DCC: variants seen among roughly 807,000 people sequenced by gnomAD.
DCC encodes netrin receptor DCC.
A neutral mutation model predicts 172.5 loss-of-function variants in DCC; 58 were observed. The ratio of observed to expected loss-of-function variants is 0.34; its 90% CI spans 0.27 to 0.42. The LOEUF (loss-of-function observed/expected upper bound fraction) is 0.42, where lower values mean the gene tolerates loss of function less well. DCC is among the 10% of genes least tolerant of loss of function. The pLI is 1.00. For missense variants in DCC, 1,740 were observed against 1,791.0 expected (o/e 0.97, Z 0.51); for synonymous variants, 709 against 644.5 (o/e 1.10, Z -1.52).
rs887890622 is a variant in DCC, at chr18:53,534,204, A to C, written c.*3551A>C. The C allele has an allele frequency of 6.6e-6, 1 of 152,236 alleles. No homozygotes were observed. The highest frequency in any genetic ancestry group is 1.5e-5 in the Non-Finnish European group (1 of 68,046). The allele number at this position is 152,236 out of a possible 1,614,324, so 9.4% of individuals were successfully genotyped here. A position where few individuals can be genotyped will look rare whatever the true frequency, so the allele number is the denominator to read the frequency against. ...TAAAGATAACATCTTACCATTTTAG[A>C]TAAAATTGTGTCCCAGAATTCTTAT... is the stretch of plus-strand genomic sequence containing the variant. On this transcript the variant is annotated 3_prime_UTR_variant, in exon 29 of 29. Transcript: ENST00000442544.
intron 1 of DCC, among the ~76,000 whole-genome samples, chr18:52,401,621 C>T (rs1462575687): frequency 1.3e-5 from 2 of 151,956 alleles, no homozygotes; most frequent in Non-Finnish European, 2.9e-5. Flanking sequence ...AGATTTTTCT[C>T]AGGTGCATTC....
At chr18:53,260,389 T>A (rs529220316) in intron 12 of DCC, among the ~76,000 whole-genome samples, 4 of 152,296 alleles carry the variant, frequency 2.6e-5, no homozygotes, top group Admixed American at 1.3e-4. Context: ...TTGGTGTGGA[T>A]GTCCTTTCTG....
intron 1 of DCC, among the ~76,000 whole-genome samples, chr18:52,407,603 C>T (rs977255140): frequency 3.9e-5 from 6 of 151,906 alleles, no homozygotes; most frequent in African/African-American, 1.5e-4. Flanking sequence ...AAAAAGCCAA[C>T]TCTTTGGGAT....
intron 7 of DCC, among the ~76,000 whole-genome samples, chr18:53,092,001 C>A (rs1333704393): frequency 6.6e-6 from 1 of 150,510 alleles, no homozygotes; most frequent in Non-Finnish European, 1.5e-5. Flanking sequence ...CCTTTGAGAT[C>A]ATTAAGAACC....
At chr18:53,204,263 T>C (rs2035317424) in intron 9 of DCC, among the ~76,000 whole-genome samples, 1 of 152,108 alleles carries the variant, frequency 6.6e-6, no homozygotes, top group South Asian at 2.1e-4. Context: ...ATACCTGGGC[T>C]GGGTGTGGTG....
At chr18:53,312,900 A>AGGAGGGGAGGGAAAGGGAGGGGAGG (rs2057292546) in intron 13 of DCC, among the ~76,000 whole-genome samples, 1 of 87,008 alleles carries the variant, frequency 1.1e-5, no homozygotes, top group African/African-American at 5.3e-5. Flanking sequence ...GGGAGGGGAG[A>AGGAGGGGAGGGAAAGGGAGGGGAGG]GGAGGGAAGG....
chr18:52,531,146 T>C (rs2032138005), intron 1 of DCC, among the ~76,000 whole-genome samples: 2 of 152,212 alleles, frequency 1.3e-5, no homozygotes. Context: ...TCTGCTGAGC[T>C]GTTTCATGGG....
chr18:53,022,559 G>GTGTGTA (rs1211310505), intron 5 of DCC, among the ~76,000 whole-genome samples: 1 of 151,814 alleles, frequency 6.6e-6, no homozygotes, highest in African/African-American at 2.4e-5. Flanking sequence ...GTGTGTGTGT[G>GTGTGTA]TGTGTGTGTG....
intron 1 of DCC, among the ~76,000 whole-genome samples, chr18:52,540,080 G>GT (rs2032395994): frequency 1.3e-5 from 2 of 152,068 alleles, no homozygotes; most frequent in Non-Finnish European, 2.9e-5. Context: ...TCAATGTTGG[G>GT]TTTTTTCATT....
chr18:53,044,724 A>G (rs1267724064), intron 5 of DCC, among the ~76,000 whole-genome samples: 1 of 151,956 alleles, frequency 6.6e-6, no homozygotes, highest in East Asian at 1.9e-4. Flanking sequence ...TAAGTAACTC[A>G]TAACTTGACT....
At chr18:53,110,382 A>T (rs1274936783) in intron 7 of DCC, among the ~76,000 whole-genome samples, 1 of 151,702 alleles carries the variant, frequency 6.6e-6, no homozygotes, top group Non-Finnish European at 1.5e-5. Context: ...ATTGGAGGTT[A>T]AGCAAAATAA....
At chr18:53,279,883 C>T (rs1199565408) in intron 12 of DCC, among the ~76,000 whole-genome samples, 1 of 151,958 alleles carries the variant, frequency 6.6e-6, no homozygotes, top group Non-Finnish European at 1.5e-5. Context: ...GAGAGGTAAA[C>T]ATTGAGTGCA....
chr18:53,499,618 C>CTGAT, intron 27 of DCC, 108 bp downstream of exon 27: 1 of 917,620 alleles, frequency 1.1e-6, no homozygotes, highest in Non-Finnish European at 1.8e-6. Flanking sequence ...CTTTTCAATG[C>CTGAT]TGATTACATG....
intron 1 of DCC, among the ~76,000 whole-genome samples, chr18:52,635,575 C>T (rs533356693): frequency 2.6e-5 from 4 of 152,232 alleles, no homozygotes; most frequent in Non-Finnish European, 5.9e-5. Context: ...AGGATAATGA[C>T]AATTTATAAG....
intron 5 of DCC, among the ~76,000 whole-genome samples, chr18:52,942,812 C>G (rs542892164): frequency 2.0e-4 from 31 of 152,272 alleles, no homozygotes; most frequent in Non-Finnish European, 3.5e-4. Flanking sequence ...ATATCACTTA[C>G]CAATTTGAAA....
intron 2 of DCC, among the ~76,000 whole-genome samples, chr18:52,773,248 G>A (rs1331562575): frequency 6.6e-6 from 1 of 152,086 alleles, no homozygotes; most frequent in Non-Finnish European, 1.5e-5. Flanking sequence ...TATGATTCTG[G>A]CCTTTGAACT....
chr18:52,704,711 C>A (rs1383907129), intron 1 of DCC, among the ~76,000 whole-genome samples: 1 of 152,194 alleles, frequency 6.6e-6, no homozygotes. Flanking sequence ...CTCTGTCTCT[C>A]CTTTGTCACG....
Position 53,205,350 on chromosome 18 carries a change from A to C in DCC, c.1708A>C (p.Thr570Pro). ...GYRLFCTEVSTGKEQNIEVDG... is the reference protein window; with the variant it reads ...GYRLFCTEVSPGKEQNIEVDG... ...CAGATTGTTCTGCACTGAGGTGTCC[A>C]CAGGAAAAGAACAGGTAGGTGAAGG... is the stretch of plus-strand genomic sequence containing the variant. Residue 570 changes from threonine (T) to proline (P), a missense_variant, in exon 10 of 29, where the codon ACA (threonine) becomes CCA (proline). Around this residue, in one of 2 missense-constraint regions of DCC, gnomAD observed 1,732 missense variants for 1,767.4 expected, o/e 0.98. Coordinates refer to ENST00000442544, the MANE Select transcript of DCC (RefSeq NM_005215.4). 6.2e-7 allele frequency: 1 copy of C among 1,613,952 alleles called. No individual in the cohort carries two copies. The highest frequency in any genetic ancestry group is 8.5e-7 in the Non-Finnish European group (1 of 1,179,898).
At chr18:52,975,901 A>G (rs967860124) in intron 5 of DCC, among the ~76,000 whole-genome samples, 3 of 152,142 alleles carry the variant, frequency 2.0e-5, no homozygotes, top group African/African-American at 7.2e-5. Context: ...GTCAAATGGT[A>G]TTTCTGCTCT....
Sources: allele counts gnomAD v4.1 joint callset (sites outside exome capture counted in the v4.1 genomes callset), GRCh38; gene constraint gnomAD v4.1.1; regional missense constraint gnomAD v4.1.1; transcripts MANE v1.5; gene names NCBI Gene and HGNC (gene_info 2026-07-23, HGNC 2026-07-21).